The following TXNDC15 variants were observed in gnomAD, a reference collection of about 807,000 sequenced individuals.
TXNDC15 encodes thioredoxin domain containing 15.
A neutral mutation model predicts 35.0 loss-of-function variants in TXNDC15; 24 were observed. The observed-to-expected ratio is 0.68, with a 90% CI of 0.50 to 0.96. The LOEUF (loss-of-function observed/expected upper bound fraction) is 0.96, where lower values mean the gene tolerates loss of function less well. Ranked by LOEUF, TXNDC15 falls within the 40% of genes least tolerant of loss-of-function variation. The probability of loss-of-function intolerance (pLI) is 0.00; values close to 1 mark genes in which losing one functional copy is unlikely to be tolerated. For missense variants in TXNDC15, 385 were observed against 453.3 expected, an observed-to-expected ratio of 0.85 and a Z score of 1.37; for synonymous variants, 169 against 174.0, an observed-to-expected ratio of 0.97 and a Z score of 0.23.
chr5:134,887,814 G>A lies in TXNDC15; in HGVS notation c.223G>A (p.Ala75Thr), dbSNP rs536137365. The A allele has an allele frequency of 6.2e-7, 1 of 1,614,214 alleles. No individual in the cohort carries two copies. The highest frequency in any genetic ancestry group is 1.3e-5 in the African/African-American group (1 of 75,068). ...LHDPMGQDRA[A>T]EEANAVLGLD... ...TGACCCGATGGGCCAGGACAGGGCAGCAGAAGAGGCCAATGCGGTGCTGGG... is the reference window on the plus strand; with the variant it reads ...TGACCCGATGGGCCAGGACAGGGCAACAGAAGAGGCCAATGCGGTGCTGGG... Residue 75 changes from alanine to threonine, a missense_variant, in exon 2 of 5, where the codon GCA becomes ACA. Coordinates refer to ENST00000358387, the MANE Select transcript of TXNDC15 (RefSeq NM_024715.4).
In TXNDC15 at chr5:134,896,392, A is replaced by C. The variant is rs774109281; in HGVS notation, c.854A>C (p.Glu285Ala). The C allele has an allele frequency of 1.2e-6, 2 of 1,613,742 alleles. No individual in the cohort carries two copies. The highest frequency in any genetic ancestry group is 2.2e-5 in the South Asian group (2 of 90,910). ...ARFNHTDRTL[E>A]TLKIFIFNQT... Reference sequence around the variant, plus strand: ...TTTAATCATACAGATCGAACACTGGAAACACTGAAAATCTTCATTTTTAAT... The same window carrying C: ...TTTAATCATACAGATCGAACACTGGCAACACTGAAAATCTTCATTTTTAAT... The change falls in exon 4 of 5, where the codon GAA becomes GCA. Residue 285 changes from glutamate to alanine, a missense_variant. Physicochemically the swap from Glu to Ala is moderately radical, Grantham distance 107 (BLOSUM62 -1). Transcript: ENST00000358387.
At chr5:134,890,208 T>C (rs1750360367) in intron 2 of TXNDC15, among the ~76,000 whole-genome samples, 1 of 151,854 alleles carries the variant, frequency 6.6e-6, no homozygotes, top group Non-Finnish European at 1.5e-5. Flanking sequence ...TTTTTTTCTT[T>C]TTTTTTTGTA....
intron 2 of TXNDC15, among the ~76,000 whole-genome samples, chr5:134,890,656 C>T (rs1561900344): frequency 1.3e-5 from 2 of 152,064 alleles, no homozygotes; most frequent in East Asian, 1.9e-4. Flanking sequence ...GTGATCTGCC[C>T]ACCTTGGCCT....
chr5:134,882,463 T>C (rs1477013440), intron 1 of TXNDC15, among the ~76,000 whole-genome samples: 2 of 152,150 alleles, frequency 1.3e-5, no homozygotes, highest in Non-Finnish European at 2.9e-5. Context: ...GAGGCTGCAA[T>C]CTCGGCACTT....
intron 1 of TXNDC15, among the ~76,000 whole-genome samples, chr5:134,885,587 G>T (rs1458448103): frequency 1.3e-5 from 2 of 152,164 alleles, no homozygotes; most frequent in Non-Finnish European, 2.9e-5. Flanking sequence ...CCCCTCTCTA[G>T]ATAGCTCCTC....
chr5:134,881,084 C>T (rs1200330738), intron 1 of TXNDC15, among the ~76,000 whole-genome samples: 1 of 151,134 alleles, frequency 6.6e-6, no homozygotes, highest in Non-Finnish European at 1.5e-5. Context: ...CATTAGACCA[C>T]TTGAAATTGT....
intron 1 of TXNDC15, among the ~76,000 whole-genome samples, chr5:134,876,732 G>GT (rs532547885): frequency 0.035 from 4,621 of 131,006 alleles, 94 homozygotes; most frequent in Middle Eastern, 0.045. Flanking sequence ...AATCTGAGGT[G>GT]TTTTTTTTTT....
intron 3 of TXNDC15, among the ~76,000 whole-genome samples, chr5:134,894,738 C>G (rs1380594264): frequency 6.6e-6 from 1 of 152,066 alleles, no homozygotes. Context: ...GCGATTGTGC[C>G]TGAGTTATAA....
chr5:134,887,034 C>G (rs1316066576), intron 1 of TXNDC15, among the ~76,000 whole-genome samples: 2 of 152,160 alleles, frequency 1.3e-5, no homozygotes, highest in Non-Finnish European at 2.9e-5. Flanking sequence ...AAATGAAACT[C>G]TTATCAAAAA....
chr5:134,896,466 C>A, intron 4 of TXNDC15, 42 bp downstream of exon 4: 1 of 1,608,910 alleles, frequency 6.2e-7, no homozygotes, highest in Non-Finnish European at 8.5e-7. Flanking sequence ...TATTCTATTG[C>A]TGGGGGTCTG....
At chr5:134,884,003 G>A (rs1561898193) in intron 1 of TXNDC15, among the ~76,000 whole-genome samples, 1 of 151,226 alleles carries the variant, frequency 6.6e-6, no homozygotes, top group Non-Finnish European at 1.5e-5. Flanking sequence ...AGGATCACCC[G>A]AGGTCAGGAG....
chr5:134,887,428 A>G (rs1750297088), intron 1 of TXNDC15, among the ~76,000 whole-genome samples: 1 of 152,102 alleles, frequency 6.6e-6, no homozygotes, highest in African/African-American at 2.4e-5. Flanking sequence ...CAAGTGATCC[A>G]CCTGACTTGG....
chr5:134,884,451 T>G (rs1394125199), intron 1 of TXNDC15, among the ~76,000 whole-genome samples: 2 of 151,936 alleles, frequency 1.3e-5, no homozygotes, highest in African/African-American at 4.8e-5. Context: ...TTTCTCCATG[T>G]TGGTCAGGCT....
At chr5:134,891,966 C>T (rs1490610764) in intron 2 of TXNDC15, among the ~76,000 whole-genome samples, 3 of 151,824 alleles carry the variant, frequency 2.0e-5, no homozygotes, top group East Asian at 1.9e-4. Flanking sequence ...TAAATAAGAC[C>T]GCAGCTACAC....
chr5:134,882,845 G>A (rs1454425035), intron 1 of TXNDC15, among the ~76,000 whole-genome samples: 1 of 152,172 alleles, frequency 6.6e-6, no homozygotes, highest in Non-Finnish European at 1.5e-5. Context: ...AGGAGGGAGA[G>A]GGGGAGGGGG....
rs999043257 is a variant in TXNDC15 at position 134,901,181 on chromosome 5, G to C, written c.*1496G>C. ...ATCATAAATTACTTTTATACTAATT[G>C]TTTCCAGGGTTTTAGAGTAGTTGAA... is the stretch of plus-strand genomic sequence containing the variant. On this transcript the variant is annotated 3_prime_UTR_variant, in exon 5 of 5. Coordinates refer to ENST00000358387, the MANE Select transcript of TXNDC15 (RefSeq NM_024715.4). 1 of 152,180 alleles carries C rather than the reference G, an allele frequency of 6.6e-6. No homozygotes were observed. Among genetic ancestry groups the C allele is most frequent in the Admixed American group, 6.5e-5 (1 of 15,282 alleles). The allele number at this position is 152,180 out of a possible 1,614,324, so 9.4% of individuals were successfully genotyped here.
At chr5:134,887,196 GT>G (rs950947309) in intron 1 of TXNDC15, among the ~76,000 whole-genome samples, 2 of 152,102 alleles carry the variant, frequency 1.3e-5, no homozygotes, top group African/African-American at 4.8e-5. Context: ...TTGTTTGTTT[GT>G]TTTTTGAGAC....
chr5:134,896,796 A>G (rs564286412), intron 4 of TXNDC15, among the ~76,000 whole-genome samples: 3 of 150,442 alleles, frequency 2.0e-5, no homozygotes, highest in East Asian at 2.0e-4. Flanking sequence ...GGCGCCCGCC[A>G]CCATACCCGG....
At chr5:134,893,380 T>TCCTA in intron 2 of TXNDC15, 112 bp from the exon 3 acceptor site, 1 of 1,328,664 alleles carries the variant, frequency 7.5e-7, no homozygotes, top group Non-Finnish European at 1.1e-6. Flanking sequence ...CTCTCGCTGC[T>TCCTA]CCTACCCACC....
Sources: gnomAD v4.1 joint callset for allele counts (sites outside exome capture counted in the v4.1 genomes callset) on GRCh38, gnomAD v4.1.1 for gene constraint, MANE v1.5 for transcripts, NCBI Gene and HGNC (gene_info 2026-07-23, HGNC 2026-07-21) for gene names.